SDCCAG8: variants seen among roughly 807,000 people sequenced by gnomAD.
SDCCAG8 encodes serologically defined colon cancer antigen 8.
A neutral mutation model predicts 101.8 loss-of-function variants in SDCCAG8; 74 were observed. That is an observed-to-expected ratio of 0.73 (90% CI 0.60 to 0.88). SDCCAG8 has a LOEUF of 0.88. Among genes scored for constraint, SDCCAG8 ranks in the 40% least tolerant of loss-of-function variants. The pLI is 0.00. For synonymous variants in SDCCAG8, 281 were observed against 292.9 expected, an observed-to-expected ratio of 0.96 and a Z score of 0.41; for missense variants, 787 against 822.6, an observed-to-expected ratio of 0.96 and a Z score of 0.53.
intron 13 of SDCCAG8, among the ~76,000 whole-genome samples, chr1:243,401,823 T>C (rs959771987): frequency 2.6e-5 from 4 of 152,230 alleles, no homozygotes; most frequent in Non-Finnish European, 5.9e-5. Flanking sequence ...AGAATTCTTC[T>C]CCTTTGTTTC....
intron 16 of SDCCAG8, among the ~76,000 whole-genome samples, chr1:243,472,463 C>T (rs1207451315): frequency 6.6e-6 from 1 of 152,136 alleles, no homozygotes; most frequent in African/African-American, 2.4e-5. Context: ...GGCAGAGTGC[C>T]CTTCCTCCTT....
intron 1 of SDCCAG8, among the ~76,000 whole-genome samples, chr1:243,266,325 T>TC (rs1334006758): frequency 6.6e-6 from 1 of 151,836 alleles, no homozygotes; most frequent in Non-Finnish European, 1.5e-5. Context: ...CTTTTTCTTT[T>TC]TTTTTTTTTA....
chr1:243,444,439 T>C (rs1008902426), intron 16 of SDCCAG8, among the ~76,000 whole-genome samples: 1 of 151,852 alleles, frequency 6.6e-6, no homozygotes, highest in African/African-American at 2.4e-5. Context: ...TGGTGTGATC[T>C]TGGCTCACTG....
chr1:243,308,119 G>A lies in SDCCAG8; in HGVS notation c.871G>A (p.Ala291Thr). ...GLCLKCAQHE[A>T]VLSQTHTNVH... Reference sequence around the variant, plus strand: ...TTGTTTGAAATGTGCTCAGCATGAAGCTGTTCTTTCCCAAACCCATACTAA... The same window carrying A: ...TTGTTTGAAATGTGCTCAGCATGAAACTGTTCTTTCCCAAACCCATACTAA... The change falls in exon 8 of 18, where the codon GCT becomes ACT. Residue 291 changes from alanine to threonine, a missense_variant. By Grantham distance (58) the Ala-to-Thr change is moderately conservative. Transcript: ENST00000366541. The A allele has an allele frequency of 6.2e-7, 1 of 1,614,194 alleles. No individual in the cohort carries two copies. Among genetic ancestry groups the A allele is most frequent in the Non-Finnish European group, 8.5e-7 (1 of 1,180,030 alleles).
chr1:243,432,272 T>C (rs1467765585), intron 16 of SDCCAG8, among the ~76,000 whole-genome samples: 1 of 149,386 alleles, frequency 6.7e-6, no homozygotes, highest in Non-Finnish European at 1.5e-5. Flanking sequence ...TTCAAACTAG[T>C]GCAGGAACAA....
chr1:243,316,935 T>C (rs1278150796), intron 9 of SDCCAG8, 42 bp downstream of exon 9: 3 of 1,591,040 alleles, frequency 1.9e-6, no homozygotes, highest in Middle Eastern at 1.7e-4. Flanking sequence ...TTTCTTTTTT[T>C]TTTCTTTTTT....
intron 10 of SDCCAG8, among the ~76,000 whole-genome samples, chr1:243,334,827 A>G (rs1199808877): frequency 1.3e-5 from 2 of 152,044 alleles, no homozygotes; most frequent in Non-Finnish European, 2.9e-5. Context: ...GGGTCAAGCA[A>G]TGTACCCTCC....
intron 13 of SDCCAG8, among the ~76,000 whole-genome samples, chr1:243,415,466 TATG>T (rs1353424561): frequency 9.2e-5 from 14 of 152,320 alleles, no homozygotes; most frequent in African/African-American, 3.4e-4. Context: ...ATTTAGTTGT[TATG>T]ATGTTTTGAC....
chr1:243,316,752 CAG>C lies in SDCCAG8; in HGVS notation c.931_932del. 1 of 1,614,058 alleles carries C rather than the reference CAG, an allele frequency of 6.2e-7. No individual in the cohort carries two copies. Among genetic ancestry groups the C allele is most frequent in the South Asian group, 1.1e-5 (1 of 91,082 alleles). On this transcript the variant is annotated splice_acceptor_variant, in intron 8 of 17. Transcript: ENST00000366541. LOFTEE classifies it high-confidence loss of function. The stretch of plus-strand genomic sequence containing the variant: ...GTTTTGAATGTTCTTTTTGTGCTGA[CAG>C]AGAAAGAGATGACTTGATGTCTGCA...
intron 12 of SDCCAG8, among the ~76,000 whole-genome samples, chr1:243,376,592 A>G (rs1382767611): frequency 6.6e-6 from 1 of 152,190 alleles, no homozygotes; most frequent in Non-Finnish European, 1.5e-5. Flanking sequence ...TTTTTAAAAA[A>G]GTTTTGAATT....
At chr1:243,270,059 C>A in intron 1 of SDCCAG8, 46 bp from the exon 2 acceptor site, 1 of 1,613,942 alleles carries the variant, frequency 6.2e-7, no homozygotes, top group South Asian at 1.1e-5. Context: ...TCCGTTTGGT[C>A]AACCAGACTC....
chr1:243,371,919 T>G (rs1324913912), intron 12 of SDCCAG8, among the ~76,000 whole-genome samples: 1 of 152,122 alleles, frequency 6.6e-6, no homozygotes, highest in Non-Finnish European at 1.5e-5. Context: ...ACTAAATTCT[T>G]TATTTTAATT....
At chr1:243,341,920 CTT>C (rs951533918) in intron 11 of SDCCAG8, among the ~76,000 whole-genome samples, 3 of 152,120 alleles carry the variant, frequency 2.0e-5, no homozygotes, top group Admixed American at 1.3e-4. Flanking sequence ...TTAAAATACT[CTT>C]TGCATATTAC....
At chr1:243,332,498 T>C (rs2149351715) in intron 10 of SDCCAG8, among the ~76,000 whole-genome samples, 1 of 151,350 alleles carries the variant, frequency 6.6e-6, no homozygotes, top group East Asian at 1.9e-4. Flanking sequence ...GTGATTATCA[T>C]AATCCAGCTC....
At chr1:243,464,653 T>C (rs1196546440) in intron 16 of SDCCAG8, among the ~76,000 whole-genome samples, 1 of 152,132 alleles carries the variant, frequency 6.6e-6, no homozygotes, top group African/African-American at 2.4e-5. Context: ...ATCAGAAAAA[T>C]CTCAAGCCTT....
chr1:243,257,574 GTTAC>G (rs1412203698), intron 1 of SDCCAG8, among the ~76,000 whole-genome samples: 1 of 152,074 alleles, frequency 6.6e-6, no homozygotes, highest in African/African-American at 2.4e-5. Flanking sequence ...ATTTATACTT[GTTAC>G]TTAAAGCAAA....
intron 8 of SDCCAG8, among the ~76,000 whole-genome samples, chr1:243,314,940 C>T (rs1352636987): frequency 6.6e-6 from 1 of 152,212 alleles, no homozygotes; most frequent in Non-Finnish European, 1.5e-5. Flanking sequence ...GAACTCCTGA[C>T]CTCAAGTGAT....
chr1:243,342,316 C>T (rs1265262465), intron 11 of SDCCAG8, among the ~76,000 whole-genome samples: 2 of 152,182 alleles, frequency 1.3e-5, no homozygotes. Context: ...AGGACATATA[C>T]ATCAGAAGAG....
chr1:243,333,034 A>G lies in SDCCAG8; in HGVS notation c.1221+2342A>G, dbSNP rs114371870. 6.9e-3 allele frequency among the ~76,000 whole-genome samples: 1,052 copies of G among 152,320 alleles called. 12 individuals carry two copies. Among genetic ancestry groups the G allele is most frequent in the African/African-American group, 0.024 (1,002 of 41,564 alleles). On this transcript the variant is annotated intron_variant, in intron 10 of 17. Coordinates refer to ENST00000366541, the MANE Select transcript of SDCCAG8 (RefSeq NM_006642.5). ...CCTCTTATTCTCAGCAGAGAGCCTT[A>G]CTTAACTAACAAAGAAAATGGAAGC...
Sources: gnomAD v4.1 joint callset for allele counts (sites outside exome capture counted in the v4.1 genomes callset) on GRCh38, gnomAD v4.1.1 for gene constraint, MANE v1.5 for transcripts, NCBI Gene and HGNC (gene_info 2026-07-23, HGNC 2026-07-21) for gene names.